MACROD2: variants seen among roughly 807,000 people sequenced by gnomAD.
MACROD2 encodes the protein ADP-ribose glycohydrolase MACROD2.
In MACROD2, 36 loss-of-function variants were observed where a neutral mutation model predicts 70.4. That is an observed-to-expected ratio of 0.51 (90% CI 0.39 to 0.68). The LOEUF (loss-of-function observed/expected upper bound fraction) is 0.68, where lower values mean the gene tolerates loss of function less well. MACROD2 is among the 30% of genes least tolerant of loss of function. The pLI is 0.00. For synonymous variants in MACROD2, 172 were observed against 178.8 expected (o/e 0.96, Z 0.30); for missense variants, 496 against 538.4 (o/e 0.92, Z 0.78).
At chr20:14,660,509 T>C (rs1986172315) in intron 4 of MACROD2, among the ~76,000 whole-genome samples, 1 of 152,214 alleles carries the variant, frequency 6.6e-6, no homozygotes, top group South Asian at 2.1e-4. Flanking sequence ...TATACAATAT[T>C]ATCCATAATT....
intron 3 of MACROD2, among the ~76,000 whole-genome samples, chr20:14,320,473 A>G (rs1053967369): frequency 1.3e-5 from 2 of 152,122 alleles, no homozygotes; most frequent in Non-Finnish European, 2.9e-5. Context: ...ATACCTGCTT[A>G]AGAGTCATTG....
intron 5 of MACROD2, among the ~76,000 whole-genome samples, chr20:14,759,068 C>T (rs761157594): frequency 7.9e-5 from 12 of 152,050 alleles, no homozygotes; most frequent in African/African-American, 1.5e-4. Flanking sequence ...AGCTGACTTG[C>T]GTGCCTTTTT....
In MACROD2 at chr20:15,529,671, G is replaced by A. The variant is rs534453324; in HGVS notation, c.645+29824G>A. ...TATATCTTTAAACTGTAATAGTTAC[G>A]TATATGTTGTATAACCTTTCAAAAA... On this transcript the variant is annotated intron_variant, in intron 8 of 17. Coordinates refer to ENST00000684519, the MANE Select transcript of MACROD2 (RefSeq NM_001351661.2). 1.1e-4 allele frequency among the ~76,000 whole-genome samples: 16 copies of A among 152,174 alleles called. No homozygotes were observed. The South Asian group carries it at 2.9e-3, about 28-fold the overall frequency.
intron 8 of MACROD2, among the ~76,000 whole-genome samples, chr20:15,626,415 C>A (rs1234844111): frequency 6.6e-6 from 1 of 152,180 alleles, no homozygotes; most frequent in Non-Finnish European, 1.5e-5. Flanking sequence ...CGTGCAAACT[C>A]TTGACAAGGT....
chr20:15,020,392 G>A (rs1568533904), intron 5 of MACROD2, among the ~76,000 whole-genome samples: 1 of 152,224 alleles, frequency 6.6e-6, no homozygotes, highest in African/African-American at 2.4e-5. Context: ...AAATTTATAT[G>A]AGTTTTGAAA....
chr20:14,032,825 G>T (rs1233375069), intron 2 of MACROD2, among the ~76,000 whole-genome samples: 1 of 152,044 alleles, frequency 6.6e-6, no homozygotes, highest in Non-Finnish European at 1.5e-5. Flanking sequence ...TGGGATTAGT[G>T]GTGGTACACC....
intron 9 of MACROD2, among the ~76,000 whole-genome samples, chr20:15,868,193 T>A (rs1415058723): frequency 1.3e-5 from 2 of 152,206 alleles, no homozygotes; most frequent in African/African-American, 4.8e-5. Context: ...CTGCTGATGC[T>A]TTACCCATAA....
chr20:14,803,264 G>A (rs1348519432), intron 5 of MACROD2, among the ~76,000 whole-genome samples: 3 of 152,032 alleles, frequency 2.0e-5, no homozygotes. Flanking sequence ...ATTATCAGCA[G>A]TACAGAATTG....
At chr20:15,066,882 GAA>G (rs753955005) in intron 5 of MACROD2, among the ~76,000 whole-genome samples, 12 of 105,886 alleles carry the variant, frequency 1.1e-4, no homozygotes, top group East Asian at 2.7e-4. Flanking sequence ...ACTCTGTCTC[GAA>G]AAAAAAAAAA....
intron 3 of MACROD2, among the ~76,000 whole-genome samples, chr20:14,389,465 CCAGGCCGGAGTGCAG>C (rs2122797919): frequency 6.7e-6 from 1 of 148,398 alleles, no homozygotes; most frequent in Admixed American, 6.7e-5. Context: ...CGTCAATTGC[CCAGGCCGGAGTGCAG>C]TGGCATGAGA....
At chr20:15,787,275 G>A (rs150430900) in intron 8 of MACROD2, among the ~76,000 whole-genome samples, 90 of 152,194 alleles carry the variant, frequency 5.9e-4, no homozygotes, top group Non-Finnish European at 1.1e-3. Context: ...TCTACTGTTG[G>A]CATACATAGT....
At chr20:15,610,643 G>T (rs1051526571) in intron 8 of MACROD2, among the ~76,000 whole-genome samples, 1 of 152,120 alleles carries the variant, frequency 6.6e-6, no homozygotes. Context: ...GTTCCAGGTG[G>T]GCATATTATG....
chr20:14,266,676 G>A (rs6033926), intron 3 of MACROD2, among the ~76,000 whole-genome samples: 98,809 of 152,010 alleles, frequency 0.65, 33,298 homozygotes, highest in Non-Finnish European at 0.75. Context: ...GGAAGTTATT[G>A]TTTTCTGTTG....
intron 6 of MACROD2, among the ~76,000 whole-genome samples, chr20:15,299,859 A>G (rs2077625778): frequency 6.6e-6 from 1 of 152,338 alleles, no homozygotes; most frequent in East Asian, 1.9e-4. Context: ...ATGAGGGAGA[A>G]AACTTACCCA....
At chr20:14,765,536 G>C (rs951254188) in intron 5 of MACROD2, among the ~76,000 whole-genome samples, 2 of 152,110 alleles carry the variant, frequency 1.3e-5, no homozygotes, top group African/African-American at 4.8e-5. Context: ...TGATTCATCA[G>C]GAGTTAGTAG....
chr20:15,067,551 T>C (rs1273681419), intron 5 of MACROD2, among the ~76,000 whole-genome samples: 1 of 151,996 alleles, frequency 6.6e-6, no homozygotes, highest in Non-Finnish European at 1.5e-5. Flanking sequence ...GGTTTCACCA[T>C]GTTGTCTAGG....
intron 3 of MACROD2, among the ~76,000 whole-genome samples, chr20:14,227,700 ACTGGGAT>A (rs1414093708): frequency 6.6e-6 from 1 of 152,244 alleles, no homozygotes; most frequent in Admixed American, 6.5e-5. Context: ...TTCCGGATAC[ACTGGGAT>A]TTAGATGCCA....
intron 12 of MACROD2, among the ~76,000 whole-genome samples, chr20:15,952,096 G>A (rs767219228): frequency 2.6e-5 from 4 of 151,942 alleles, no homozygotes; most frequent in African/African-American, 9.7e-5. Context: ...CCCTGCATAA[G>A]CTCTCTCTTT....
chr20:15,286,620 G>A (rs1207818777), intron 6 of MACROD2, among the ~76,000 whole-genome samples: 2 of 152,142 alleles, frequency 1.3e-5, no homozygotes, highest in Admixed American at 1.3e-4. Context: ...GGGTGAGCAG[G>A]CTGGAGAGAG....
Sources: gnomAD v4.1 joint callset for allele counts (sites outside exome capture counted in the v4.1 genomes callset) on GRCh38, gnomAD v4.1.1 for gene constraint, MANE v1.5 for transcripts, NCBI Gene and HGNC (gene_info 2026-07-23, HGNC 2026-07-21) for gene names.